Variants in LANCL1 observed in about 807,000 individuals in gnomAD.
LANCL1 encodes the protein glutathione S-transferase LANCL1.
Under a neutral mutation model 50.6 loss-of-function variants are expected in LANCL1, and 50 were observed. The ratio of observed to expected loss-of-function variants is 0.99; its 90% confidence interval spans 0.79 to 1.25. LANCL1 has a LOEUF of 1.25. LANCL1 is among the 50% of genes most tolerant of loss of function. The pLI is 0.00. For missense variants in LANCL1, 532 were observed against 480.7 expected, an observed-to-expected ratio of 1.11 and a Z score of -1.00; for synonymous variants, 188 against 178.6, an observed-to-expected ratio of 1.05 and a Z score of -0.42.
chr2:210,441,481 G>T, intron 4 of LANCL1, 38 bp from the exon 5 acceptor site: 2 of 1,572,774 alleles, frequency 1.3e-6, no homozygotes, highest in South Asian at 2.3e-5. Context: ...AATTTGAAAG[G>T]AACCAGGTAT....
intron 3 of LANCL1, among the ~76,000 whole-genome samples, chr2:210,462,545 T>G (rs1426333789): frequency 2.0e-5 from 3 of 152,200 alleles, no homozygotes; most frequent in African/African-American, 7.2e-5. Flanking sequence ...GATAATTCAC[T>G]TGAGAAGATC....
rs145693663 is a variant in LANCL1 at position 210,462,664 on chromosome 2, G to C, written c.200-7350C>G. ...ATATATTAATACAAGATTAGGAAGG[G>C]GAAAAACACCTTCTATAGAAAAACA... On this transcript the variant is annotated intron_variant, in intron 3 of 9. Coordinates refer to ENST00000450366, the MANE Select transcript of LANCL1 (RefSeq NM_006055.3). Among the ~76,000 whole-genome samples, 29 of 152,174 alleles carry C rather than the reference G, an allele frequency of 1.9e-4. No homozygotes were observed. The East Asian group carries it at 5.4e-3, about 28-fold the overall frequency.
intron 3 of LANCL1, among the ~76,000 whole-genome samples, chr2:210,463,718 T>A (rs1293256322): frequency 6.6e-6 from 1 of 152,252 alleles, no homozygotes; most frequent in Non-Finnish European, 1.5e-5. Context: ...CATTCCTGAA[T>A]GAGCATGAGA....
chr2:210,464,914 C>T lies in LANCL1; in HGVS notation c.199+7045G>A, dbSNP rs558815866. Among the ~76,000 whole-genome samples the T allele has an allele frequency of 5.1e-4, 74 of 144,454 alleles. 2 individuals carry two copies. Among genetic ancestry groups the T allele is most frequent in the Non-Finnish European group, 6.5e-4 (44 of 67,468 alleles). The allele number at this position is 144,454 out of a possible 152,430, so 94.8% of individuals were successfully genotyped here. A position where few individuals can be genotyped will look rare whatever the true frequency, so the allele number is the denominator to read the frequency against. On this transcript the variant is annotated intron_variant, in intron 3 of 9. Transcript: ENST00000450366. ...CCGGGAAGCGGAGCTTGCAGTGAGC[C>T]GAGATTGCGCCACTGCAGTCCGCAG...
intron 3 of LANCL1, among the ~76,000 whole-genome samples, chr2:210,467,668 TATAC>T (rs1694107108): frequency 1.3e-5 from 2 of 152,220 alleles, no homozygotes. Flanking sequence ...AGACAAAAGT[TATAC>T]ATAAACTTTT....
chr2:210,462,719 A>T (rs1451270835), intron 3 of LANCL1, among the ~76,000 whole-genome samples: 2 of 152,294 alleles, frequency 1.3e-5, no homozygotes, highest in East Asian at 3.9e-4. Context: ...TCTAGCTGCA[A>T]ATGCCTGTAA....
At chr2:210,457,384 C>A (rs1212847226) in intron 3 of LANCL1, among the ~76,000 whole-genome samples, 1 of 152,096 alleles carries the variant, frequency 6.6e-6, no homozygotes, top group Non-Finnish European at 1.5e-5. Context: ...ATGTCTTAAA[C>A]CTGATCTTTA....
In LANCL1 at chr2:210,437,737, A is replaced by G. The variant is rs776332864; in HGVS notation, c.826T>C (p.Cys276Arg). ...GDNRDLLVHW[C>R]HGAPGVIYML... ...TAGATTACCCCAGGGGCGCCATGGC[A>G]CCAATGGACAAGCAGATCTCGATTA... The change falls in exon 7 of 10, where the codon TGC (cysteine) becomes CGC (arginine). Residue 276 changes from cysteine to arginine, a missense_variant. Coordinates refer to ENST00000450366, the MANE Select transcript of LANCL1 (RefSeq NM_006055.3). 1 of 1,611,424 alleles carries G rather than the reference A, an allele frequency of 6.2e-7. No homozygotes were observed. The highest frequency in any genetic ancestry group is 2.2e-5 in the East Asian group (1 of 44,698).
intron 8 of LANCL1, among the ~76,000 whole-genome samples, chr2:210,435,834 G>A (rs1398324420): frequency 6.6e-6 from 1 of 151,370 alleles, no homozygotes; most frequent in Non-Finnish European, 1.5e-5. Flanking sequence ...ATGGTTTTAG[G>A]GATAAATGAA....
intron 3 of LANCL1, chr2:210,471,727 A>G: frequency 2.8e-6 from 2 of 725,468 alleles, no homozygotes; most frequent in Non-Finnish European, 5.1e-6. Flanking sequence ...TCCAAATGTC[A>G]GGCATGAATT....
At position 210,433,726 on chromosome 2, in the gene LANCL1, T is replaced by A. The variant is rs931165457; in HGVS notation, c.*761A>T. 6.6e-6 allele frequency: 1 copy of A among 152,180 alleles called. No homozygotes were observed. The highest frequency in any genetic ancestry group is 2.4e-5 in the African/African-American group (1 of 41,458). 9.4% of individuals were successfully genotyped at this position (152,180 alleles called of 1,614,324 possible). A position where few individuals can be genotyped will look rare whatever the true frequency, so the allele number is the denominator to read the frequency against. On this transcript the variant is annotated 3_prime_UTR_variant, in exon 10 of 10. Transcript: ENST00000450366. ...AATAAAGAGTTCCAAAAAACTCAGATTATTTTAGAGAAAACACAGACTGTT... is the reference window on the plus strand; with the variant it reads ...AATAAAGAGTTCCAAAAAACTCAGAATATTTTAGAGAAAACACAGACTGTT...
At chr2:210,456,478 TCTTTC>T (rs1693677865) in intron 3 of LANCL1, among the ~76,000 whole-genome samples, 1 of 152,132 alleles carries the variant, frequency 6.6e-6, no homozygotes, top group South Asian at 2.1e-4. Context: ...CCTTGACTGC[TCTTTC>T]AAAGTGGCTT....
Position 210,460,170 on chromosome 2 carries a change from C to T in LANCL1, c.200-4856G>A, listed in dbSNP as rs12151505. Reference sequence around the variant, plus strand: ...TCCTCAACATTTTTCATTTGTTTTACGACCAGCTTACAGTGATGTAAAAAG... The same window carrying T: ...TCCTCAACATTTTTCATTTGTTTTATGACCAGCTTACAGTGATGTAAAAAG... On this transcript the variant is annotated intron_variant, in intron 3 of 9. Transcript: ENST00000450366. Among the ~76,000 whole-genome samples, 298 of 152,230 alleles carry T rather than the reference C, an allele frequency of 2.0e-3. 1 individual carries two copies. Among genetic ancestry groups the T allele is most frequent in the Non-Finnish European group, 3.3e-3 (227 of 68,010 alleles).
chr2:210,461,916 G>A (rs1693875064), intron 3 of LANCL1, among the ~76,000 whole-genome samples: 1 of 152,148 alleles, frequency 6.6e-6, no homozygotes, highest in African/African-American at 2.4e-5. Flanking sequence ...TATGTTATCT[G>A]CAAGGGAAGG....
intron 4 of LANCL1, among the ~76,000 whole-genome samples, chr2:210,449,233 C>A (rs1292723617): frequency 6.6e-6 from 1 of 152,208 alleles, no homozygotes; most frequent in Non-Finnish European, 1.5e-5. Flanking sequence ...GTCACATAAA[C>A]AGAACCAAAG....
At chr2:210,477,130 A>G (rs1318213815), upstream of LANCL1, among the ~76,000 whole-genome samples, 1 of 152,094 alleles carries the variant, frequency 6.6e-6, no homozygotes, top group Non-Finnish European at 1.5e-5. Flanking sequence ...GGACTTGCCA[A>G]TCTTTTCTTT....
chr2:210,472,970 G>T (rs1448589844), intron 2 of LANCL1, among the ~76,000 whole-genome samples: 1 of 152,114 alleles, frequency 6.6e-6, no homozygotes, highest in Non-Finnish European at 1.5e-5. Context: ...CCCATATGAA[G>T]GTCCACAGAT....
chr2:210,470,073 G>C (rs1043296384), intron 3 of LANCL1, among the ~76,000 whole-genome samples: 2 of 151,484 alleles, frequency 1.3e-5, no homozygotes, highest in Non-Finnish European at 2.9e-5. Flanking sequence ...TGGCAATCAA[G>C]AGGAAAACTC....
intron 4 of LANCL1, among the ~76,000 whole-genome samples, chr2:210,447,311 A>AT (rs1693373087): frequency 1.3e-5 from 2 of 152,268 alleles, no homozygotes; most frequent in South Asian, 4.1e-4. Context: ...ATGCTGAGAG[A>AT]TTTTGTCATC....
Sources: gnomAD v4.1 joint callset for allele counts (sites outside exome capture counted in the v4.1 genomes callset) on GRCh38, gnomAD v4.1.1 for gene constraint, MANE v1.5 for transcripts, NCBI Gene and HGNC (gene_info 2026-07-23, HGNC 2026-07-21) for gene names.